The following FRMD4B variants were observed in gnomAD, a reference collection of about 807,000 sequenced individuals.
FRMD4B encodes FERM domain-containing protein 4B.
Under a neutral mutation model 141.5 loss-of-function variants are expected in FRMD4B, and 74 were observed. The ratio of observed to expected loss-of-function variants is 0.52; its 90% CI spans 0.43 to 0.63. The LOEUF (loss-of-function observed/expected upper bound fraction) is 0.63. Ranked by LOEUF, FRMD4B falls within the 30% of genes least tolerant of loss-of-function variation. The probability of loss-of-function intolerance (pLI) is 0.00; values close to 1 mark genes in which losing one functional copy is unlikely to be tolerated. For synonymous variants in FRMD4B, 506 were observed against 467.9 expected, an observed-to-expected ratio of 1.08 and a Z score of -1.05; for missense variants, 1,366 against 1,253.4, an observed-to-expected ratio of 1.09 and a Z score of -1.36.
At chr3:69,245,708 G>A (rs1429708215) in intron 7 of FRMD4B, among the ~76,000 whole-genome samples, 3 of 148,590 alleles carry the variant, frequency 2.0e-5, no homozygotes, top group Non-Finnish European at 3.0e-5. Flanking sequence ...CTGTCATCCA[G>A]GATGGAGTGC....
intron 3 of FRMD4B, among the ~76,000 whole-genome samples, chr3:69,309,367 C>G (rs1701497971): frequency 6.6e-6 from 1 of 150,446 alleles, no homozygotes; most frequent in Non-Finnish European, 1.5e-5. Context: ...TCTTGAACTC[C>G]TGGCCTCATG....
chr3:69,397,738 G>T (rs1559515701), intron 2 of FRMD4B, among the ~76,000 whole-genome samples: 1 of 151,886 alleles, frequency 6.6e-6, no homozygotes, highest in Non-Finnish European at 1.5e-5. Context: ...GGGAATGACT[G>T]CTAATTAGTA....
At chr3:69,473,312 A>G (rs140878734) in intron 1 of FRMD4B, among the ~76,000 whole-genome samples, 113 of 152,108 alleles carry the variant, frequency 7.4e-4, no homozygotes, top group African/African-American at 2.7e-3. Context: ...GGCTCTGTCC[A>G]CTCTACCAAG....
rs1012355382 is a variant in FRMD4B at position 69,268,987 on chromosome 3, G to A, written c.501+18765C>T. Among the ~76,000 whole-genome samples, 3 of 148,736 alleles carry A rather than the reference G, an allele frequency of 2.0e-5. No individual in the cohort carries two copies. The South Asian group carries it at 6.3e-4, about 31-fold the overall frequency. On this transcript the variant is annotated intron_variant, in intron 5 of 22. Transcript: ENST00000398540. ...CTTGTTGCCCAGGATGGAGTGCAAT[G>A]GGGCGATCTTGGCTCACTGCAATCT...
At chr3:69,391,248 AT>A (rs71115691) in intron 2 of FRMD4B, among the ~76,000 whole-genome samples, 3,291 of 149,834 alleles carry the variant, frequency 0.022, 116 homozygotes, top group African/African-American at 0.075. Context: ...ATTTATTTTT[AT>A]TTTTTTTTAT....
At chr3:69,263,900 G>A (rs1421846964) in intron 5 of FRMD4B, among the ~76,000 whole-genome samples, 2 of 132,692 alleles carry the variant, frequency 1.5e-5, no homozygotes, top group Non-Finnish European at 3.1e-5. Context: ...ATCTTGGCTC[G>A]CTGCAACCTC....
At chr3:69,346,023 C>G (rs1400083200) in intron 1 of FRMD4B, among the ~76,000 whole-genome samples, 1 of 152,058 alleles carries the variant, frequency 6.6e-6, no homozygotes, top group African/African-American at 2.4e-5. Context: ...TTCAGATGAC[C>G]AAACTTCTCC....
chr3:69,370,191 T>C (rs1368450170), intron 1 of FRMD4B, among the ~76,000 whole-genome samples: 1 of 150,194 alleles, frequency 6.7e-6, no homozygotes, highest in Admixed American at 6.6e-5. Flanking sequence ...CTCCAGTGGA[T>C]GGGAAAGACC....
chr3:69,450,777 AAACCC>A (rs1450551096), intron 1 of FRMD4B, among the ~76,000 whole-genome samples: 7 of 67,608 alleles, frequency 1.0e-4, no homozygotes, highest in African/African-American at 3.2e-4. Flanking sequence ...AACAACAACA[AAACCC>A]CAACAACAAA....
At chr3:69,304,576 C>T (rs184032944) in intron 3 of FRMD4B, among the ~76,000 whole-genome samples, 13 of 151,468 alleles carry the variant, frequency 8.6e-5, no homozygotes, top group Admixed American at 2.0e-4. Context: ...GATTTAAGCA[C>T]GTACTTGTTT....
At chr3:69,235,486 C>T (rs1370582069) in intron 7 of FRMD4B, among the ~76,000 whole-genome samples, 1 of 151,910 alleles carries the variant, frequency 6.6e-6, no homozygotes, top group African/African-American at 2.4e-5. Flanking sequence ...AGGTGAAACC[C>T]TGTCTCTACT....
At chr3:69,287,516 G>GTAGT (rs1209850072) in intron 5 of FRMD4B, 1 of 513,596 alleles carries the variant, frequency 1.9e-6, no homozygotes, top group Non-Finnish European at 3.5e-6. Context: ...ATTTAAAGTA[G>GTAGT]TAGTGATTGT....
At chr3:69,276,185 T>C (rs2093617076) in intron 5 of FRMD4B, among the ~76,000 whole-genome samples, 1 of 152,200 alleles carries the variant, frequency 6.6e-6, no homozygotes, top group Non-Finnish European at 1.5e-5. Context: ...TGATGTAAAA[T>C]ATGTTTTTAT....
intron 1 of FRMD4B, among the ~76,000 whole-genome samples, chr3:69,313,927 C>T (rs1701698150): frequency 6.7e-6 from 1 of 148,790 alleles, no homozygotes; most frequent in South Asian, 2.1e-4. Context: ...ATCACGAGGT[C>T]AGGAGATCGA....
intron 5 of FRMD4B, among the ~76,000 whole-genome samples, chr3:69,263,395 A>ATT (rs2093540631): frequency 1.1e-5 from 1 of 87,126 alleles, no homozygotes; most frequent in Non-Finnish European, 2.3e-5. Context: ...AGTTACATGC[A>ATT]CTTTTTTTTT....
chr3:69,231,390 C>T (rs984733940), intron 7 of FRMD4B, among the ~76,000 whole-genome samples: 14 of 152,160 alleles, frequency 9.2e-5, no homozygotes, highest in African/African-American at 2.7e-4. Context: ...TGGGTTTAAA[C>T]GATTCTCCTT....
At chr3:69,338,319 G>C (rs143599963) in intron 1 of FRMD4B, among the ~76,000 whole-genome samples, 1,697 of 150,966 alleles carry the variant, frequency 0.011, 18 homozygotes, top group Non-Finnish European at 0.016. Flanking sequence ...AGTGGGGAGA[G>C]GGGGGAGGGA....
intron 4 of FRMD4B, among the ~76,000 whole-genome samples, chr3:69,289,566 C>A (rs763070855): frequency 6.6e-6 from 1 of 152,094 alleles, no homozygotes; most frequent in Non-Finnish European, 1.5e-5. Flanking sequence ...GAGGCCGAGG[C>A]GGGCAGATCA....
At chr3:69,521,153 C>T (rs1700848123) in intron 1 of FRMD4B, among the ~76,000 whole-genome samples, 1 of 152,156 alleles carries the variant, frequency 6.6e-6, no homozygotes, top group African/African-American at 2.4e-5. Context: ...TGGTCCCCCA[C>T]CCTGCATCAG....
Sources: gnomAD v4.1 joint callset for allele counts (sites outside exome capture counted in the v4.1 genomes callset) on GRCh38, gnomAD v4.1.1 for gene constraint, MANE v1.5 for transcripts, NCBI Gene and HGNC (gene_info 2026-07-23, HGNC 2026-07-21) for gene names.